Variants in SPATA31E1 observed in about 807,000 individuals in gnomAD.
SPATA31E1 encodes the protein SPATA31 subfamily E member 1.
SPATA31E1 carries 7 observed loss-of-function variants against 12.9 expected under a neutral mutation model. That is an observed-to-expected ratio of 0.54 (90% confidence interval 0.31 to 1.02). The LOEUF is 1.02. Among genes scored for constraint, SPATA31E1 ranks in the 50% least tolerant of loss-of-function variants. SPATA31E1 has a pLI of 0.05. For synonymous variants in SPATA31E1, 771 were observed against 719.0 expected (o/e 1.07, Z -1.16); for missense variants, 1,961 against 1,799.8 (o/e 1.09, Z -1.62).
In SPATA31E1 at chr9:87,887,922, C is replaced by A. The variant is rs367646839; in HGVS notation, c.3435C>A (p.Pro1145=). ...TGCTCACTGCCGCAGACAGGCTGCC[C>A]ACTCAAGCCCCTCTGTCCACCTCCC... ...MDMLTAADRL[P]TQAPLSTSQS... Residue 1145 remains proline (P), a synonymous_variant, in exon 4 of 4, where the codon CCC becomes CCA. Transcript: ENST00000325643. 1.9e-6 allele frequency: 3 copies of A among 1,613,800 alleles called. No homozygotes were observed. The highest frequency in any genetic ancestry group is 2.5e-6 in the Non-Finnish European group (3 of 1,180,054).
At position 87,887,259 on chromosome 9, in the gene SPATA31E1, G is replaced by A. The variant is rs775686284; in HGVS notation, c.2772G>A (p.Pro924=). ...PTVSGPLAAP[P]PEQEGVQRPP... is the part of the protein sequence containing the mutation. ...TGAGTGGCCCTCTCGCTGCCCCACC[G>A]CCTGAGCAGGAGGGAGTCCAGAGGC... is the stretch of plus-strand genomic sequence containing the variant. The change falls in exon 4 of 4, where the codon CCG becomes CCA. Residue 924 remains proline, a synonymous_variant. Coordinates refer to ENST00000325643, the MANE Select transcript of SPATA31E1 (RefSeq NM_178828.5). The A allele has an allele frequency of 2.4e-5, 39 of 1,613,830 alleles. No individual in the cohort carries two copies. The Admixed American group carries it at 3.0e-4, about 12-fold the overall frequency.
chr9:87,882,904 G>C lies in SPATA31E1; in HGVS notation c.13G>C (p.Val5Leu), dbSNP rs369661378. Residue 5 changes from valine (V) to leucine (L), a missense_variant, in exon 1 of 4, where the codon GTC becomes CTC. Val to Leu is a conservative substitution (Grantham distance 32). Coordinates refer to ENST00000325643, the MANE Select transcript of SPATA31E1 (RefSeq NM_178828.5). ...TTGCTTGAAGGCGATGGGAAATCTC[G>C]TCATCCCTCTAGGGAAGGGCAGGGC... MGNL[V>L]IPLGKGRAGR... 2 of 1,610,946 alleles carry C rather than the reference G, an allele frequency of 1.2e-6. No homozygotes were observed. Among genetic ancestry groups the C allele is most frequent in the South Asian group, 2.2e-5 (2 of 91,008 alleles).
Position 87,887,234 on chromosome 9 carries a change from T to C in SPATA31E1, c.2747T>C (p.Val916Ala). Residue 916 changes from valine (V) to alanine (A), a missense_variant, in exon 4 of 4, where the codon GTG becomes GCG. Val to Ala is a moderately conservative substitution (Grantham distance 64). Coordinates refer to ENST00000325643, the MANE Select transcript of SPATA31E1 (RefSeq NM_178828.5). The part of the protein sequence containing the change: ...NRTTSKSVPT[V>A]SGPLAAPPPE... ...ACAACAAGCAAGTCAGTCCCGACCGTGAGTGGCCCTCTCGCTGCCCCACCG... is the reference window on the plus strand; with the variant it reads ...ACAACAAGCAAGTCAGTCCCGACCGCGAGTGGCCCTCTCGCTGCCCCACCG... 6.2e-7 allele frequency: 1 copy of C among 1,613,994 alleles called. No individual in the cohort carries two copies. The highest frequency in any genetic ancestry group is 8.5e-7 in the Non-Finnish European group (1 of 1,180,004).
rs975037238 is a variant in SPATA31E1 at position 87,882,956 on chromosome 9, T to A, written c.65T>A (p.Ile22Asn). 6.2e-7 allele frequency: 1 copy of A among 1,612,336 alleles called. No individual in the cohort carries two copies. The highest frequency in any genetic ancestry group is 1.3e-5 in the African/African-American group (1 of 74,498). Reference protein sequence around the residue: ...RAGRVESGQRIPPPAPRPSVE... With the variant: ...RAGRVESGQRNPPPAPRPSVE... ...GGCAGGGTTGAGAGTGGGCAGAGGA[T>A]TCCACCCCCAGCTCCCAGACCATCT... Residue 22 changes from isoleucine (I) to asparagine (N), a missense_variant, in exon 1 of 4, where the codon ATT (isoleucine) becomes AAT (asparagine). Physicochemically the swap from Ile to Asn is moderately radical, Grantham distance 149. Transcript: ENST00000325643.
Position 87,883,133 on chromosome 9 carries a change from T to G in SPATA31E1, c.242T>G (p.Leu81Arg). Residue 81 changes from leucine to arginine, a missense_variant, in exon 1 of 4, where the codon CTA becomes CGA. Transcript: ENST00000325643. ...GTGTGTGGCCTAGTGCTCCTCTTCC[T>G]ATTGCTCCTCTACGTCCACAGTGAC... ...TSVCGLVLLF[L>R]LLLYVHSDPP... is the part of the protein sequence containing the mutation. 3 of 1,600,516 alleles carry G rather than the reference T, an allele frequency of 1.9e-6. No individual in the cohort carries two copies. The highest frequency in any genetic ancestry group is 1.3e-5 in the African/African-American group (1 of 74,838).
chr9:87,888,789 G>A lies in SPATA31E1; in HGVS notation c.4302G>A (p.Gln1434=), dbSNP rs751947360. The change falls in exon 4 of 4, where the codon CAG becomes CAA. Residue 1434 remains glutamine, a synonymous_variant. Coordinates refer to ENST00000325643, the MANE Select transcript of SPATA31E1 (RefSeq NM_178828.5). ...STSGGPHPQL[Q]ELMSAQRCLA... The stretch of plus-strand genomic sequence containing the variant: ...CGGGCGGCCCCCATCCACAGCTGCA[G>A]GAACTGATGTCTGCACAGAGGTGTC... The A allele has an allele frequency of 1.9e-6, 3 of 1,611,838 alleles. No homozygotes were observed. The highest frequency in any genetic ancestry group is 1.3e-5 in the African/African-American group (1 of 74,924).
chr9:87,883,968 C>T (rs1458165807), intron 1 of SPATA31E1, 24 bp from the exon 2 acceptor site: 1 of 1,598,262 alleles, frequency 6.3e-7, no homozygotes, highest in Non-Finnish European at 8.5e-7. Flanking sequence ...TGGTCCCAGC[C>T]CCTCATCCTT....
chr9:87,887,376 A>G lies in SPATA31E1; in HGVS notation c.2889A>G (p.Thr963=). 6.2e-7 allele frequency: 1 copy of G among 1,613,776 alleles called. No homozygotes were observed. The highest frequency in any genetic ancestry group is 8.5e-7 in the Non-Finnish European group (1 of 1,180,008). Residue 963 remains threonine (T), a synonymous_variant, in exon 4 of 4, where the codon ACA becomes ACG. Coordinates refer to ENST00000325643, the MANE Select transcript of SPATA31E1 (RefSeq NM_178828.5). ...GCAGGGGGTGTTCTCAGCCCCCAACATGCAGCCTTGTGGGCAGAACCTGGC... is the reference window on the plus strand; with the variant it reads ...GCAGGGGGTGTTCTCAGCCCCCAACGTGCAGCCTTGTGGGCAGAACCTGGC... The part of the protein sequence containing the change: ...HKGRGCSQPP[T]CSLVGRTWQS...
chr9:87,884,067 G>A (rs1315356838), intron 2 of SPATA31E1, 21 bp downstream of exon 2: 17 of 1,584,434 alleles, frequency 1.1e-5, no homozygotes, highest in South Asian at 3.5e-5. Flanking sequence ...GCTGCCCCCC[G>A]GGACTCCCCA....
chr9:87,884,624 C>T lies in SPATA31E1; in HGVS notation c.398C>T (p.Thr133Ile), dbSNP rs962261613. 6.2e-7 allele frequency: 1 copy of T among 1,614,128 alleles called. No homozygotes were observed. Among genetic ancestry groups the T allele is most frequent in the Non-Finnish European group, 8.5e-7 (1 of 1,180,000 alleles). ...CRILLRELEE[T>I]RDLNYLLESH... ...ATCCTCCTGAGGGAGCTGGAGGAGA[C>T]TCGGGACCTGAACTACCTTCTGGAA... Residue 133 changes from threonine (T) to isoleucine (I), a missense_variant, in exon 3 of 4, where the codon ACT (threonine) becomes ATT (isoleucine). By Grantham distance (89) the Thr-to-Ile change is moderately conservative (BLOSUM62 -1). Transcript: ENST00000325643.
intron 1 of SPATA31E1, among the ~76,000 whole-genome samples, chr9:87,883,472 G>A (rs1004226628): frequency 2.6e-5 from 4 of 152,170 alleles, no homozygotes; most frequent in Non-Finnish European, 5.9e-5. Context: ...TGTGGGAGGA[G>A]AGGCCCCAGC....
In SPATA31E1 at chr9:87,887,600, T is replaced by C. The variant is rs1564129699; in HGVS notation, c.3113T>C (p.Val1038Ala). 1 of 1,614,060 alleles carries C rather than the reference T, an allele frequency of 6.2e-7. No individual in the cohort carries two copies. The highest frequency in any genetic ancestry group is 2.2e-5 in the East Asian group (1 of 44,870). Residue 1038 changes from valine to alanine, a missense_variant, in exon 4 of 4, where the codon GTG becomes GCG. Coordinates refer to ENST00000325643, the MANE Select transcript of SPATA31E1 (RefSeq NM_178828.5). ...RAEDALQALK[V>A]GEKPPTWEVT... ...GAAGATGCCCTGCAGGCACTGAAAG[T>C]GGGGGAGAAGCCCCCAACTTGGGAA...
intron 2 of SPATA31E1, 104 bp from the exon 3 acceptor site, chr9:87,884,487 A>T: frequency 8.3e-7 from 1 of 1,201,494 alleles, no homozygotes; most frequent in Non-Finnish European, 1.2e-6. Context: ...CGAGGGCTTC[A>T]GGGTCTAGTC....
chr9:87,883,637 C>G (rs2117868601), intron 1 of SPATA31E1, among the ~76,000 whole-genome samples: 2 of 152,184 alleles, frequency 1.3e-5, no homozygotes, highest in Middle Eastern at 6.8e-3. Flanking sequence ...TGTGCTTTTT[C>G]CTCCTTCACC....
In SPATA31E1 at chr9:87,886,525, C is replaced by T. The variant is rs1828277072; in HGVS notation, c.2038C>T (p.Pro680Ser). ...DTQQALLPSQ[P>S]SDFAGKGRKD... ...GCAGCAGGCCCTCTTGCCCTCCCAG[C>T]CTTCTGACTTTGCAGGGAAGGGCAG... Residue 680 changes from proline (P) to serine (S), a missense_variant, in exon 4 of 4, where the codon CCT (proline) becomes TCT (serine). Coordinates refer to ENST00000325643, the MANE Select transcript of SPATA31E1 (RefSeq NM_178828.5). The T allele has an allele frequency of 6.2e-7, 1 of 1,613,958 alleles. No individual in the cohort carries two copies.
rs1195903802 is a variant in SPATA31E1 at position 87,886,931 on chromosome 9, A to G, written c.2444A>G (p.Lys815Arg). ...PGKLASWRGG[K>R]AHVNTSQELS... ...AAGCTGGCATCCTGGAGGGGTGGGAAAGCCCACGTGAACACCTCCCAGGAG... is the reference window on the plus strand; with the variant it reads ...AAGCTGGCATCCTGGAGGGGTGGGAGAGCCCACGTGAACACCTCCCAGGAG... The change falls in exon 4 of 4, where the codon AAA becomes AGA. Residue 815 changes from lysine (K) to arginine (R), a missense_variant. Transcript: ENST00000325643. 1 of 1,614,042 alleles carries G rather than the reference A, an allele frequency of 6.2e-7. No individual in the cohort carries two copies. Among genetic ancestry groups the G allele is most frequent in the Non-Finnish European group, 8.5e-7 (1 of 1,180,008 alleles).
At position 87,887,301 on chromosome 9, in the gene SPATA31E1, G is replaced by A. The variant is rs35764520; in HGVS notation, c.2814G>A (p.Gln938=). ...EGVQRPPRGS[Q]SADTHGRSEA... ...TCCAGAGGCCCCCGAGAGGGTCCCA[G>A]TCAGCTGATACCCATGGGCGATCAG... Residue 938 remains glutamine (Q), a synonymous_variant, in exon 4 of 4, where the codon CAG becomes CAA. Coordinates refer to ENST00000325643, the MANE Select transcript of SPATA31E1 (RefSeq NM_178828.5). 804 of 1,613,710 alleles carry A rather than the reference G, an allele frequency of 5.0e-4. No homozygotes were observed. Among genetic ancestry groups the A allele is most frequent in the Non-Finnish European group, 5.9e-4 (695 of 1,180,018 alleles).
chr9:87,885,396 C>T lies in SPATA31E1; in HGVS notation c.909C>T (p.Ile303=), dbSNP rs1828249191. Reference sequence around the variant, plus strand: ...GCCTGGGGTGCTCCAGCGATCCCATCTGGGACCTCTATTGCTGGAGGGAGG... The same window carrying T: ...GCCTGGGGTGCTCCAGCGATCCCATTTGGGACCTCTATTGCTGGAGGGAGG... ...ISGLGCSSDP[I]WDLYCWREAA... is the part of the protein sequence containing the mutation. The change falls in exon 4 of 4, where the codon ATC becomes ATT. Residue 303 remains isoleucine, a synonymous_variant. Transcript: ENST00000325643. 6.2e-7 allele frequency: 1 copy of T among 1,613,872 alleles called. No individual in the cohort carries two copies. Among genetic ancestry groups the T allele is most frequent in the African/African-American group, 1.3e-5 (1 of 74,900 alleles).
chr9:87,885,625 G>C lies in SPATA31E1; in HGVS notation c.1138G>C (p.Glu380Gln). ...GAGAGCACTGATGAAGATGTGGCAG[G>C]AGAAAGAAAGAAAACGGGCCGACCA... The part of the protein sequence containing the change: ...AKRALMKMWQ[E>Q]KERKRADHPH... Residue 380 changes from glutamate to glutamine, a missense_variant, in exon 4 of 4, where the codon GAG becomes CAG. Physicochemically the swap from Glu to Gln is conservative, Grantham distance 29. Coordinates refer to ENST00000325643, the MANE Select transcript of SPATA31E1 (RefSeq NM_178828.5). The C allele has an allele frequency of 6.2e-7, 1 of 1,613,984 alleles. No homozygotes were observed. Among genetic ancestry groups the C allele is most frequent in the Non-Finnish European group, 8.5e-7 (1 of 1,180,026 alleles).
Sources: gnomAD v4.1 joint callset for allele counts (sites outside exome capture counted in the v4.1 genomes callset) on GRCh38, gnomAD v4.1.1 for gene constraint, MANE v1.5 for transcripts, NCBI Gene and HGNC (gene_info 2026-07-23, HGNC 2026-07-21) for gene names.